The following MYT1L variants were observed in gnomAD, a reference collection of about 807,000 sequenced individuals.
The protein encoded by MYT1L is myelin transcription factor 1 like.
A neutral mutation model predicts 126.7 loss-of-function variants in MYT1L; 12 were observed. That is an observed-to-expected ratio of 0.09 (90% confidence interval 0.06 to 0.15). MYT1L has a LOEUF of 0.15. Among genes scored for constraint, MYT1L ranks in the 10% least tolerant of loss-of-function variants. MYT1L has a pLI of 1.00. For synonymous variants in MYT1L, 541 were observed against 604.2 expected (o/e 0.90, Z 1.53); for missense variants, 979 against 1,585.2 (o/e 0.62, Z 6.49).
chr2:2,229,159 T>C (rs1330523481), intron 2 of MYT1L, among the ~76,000 whole-genome samples: 1 of 152,248 alleles, frequency 6.6e-6, no homozygotes, highest in African/African-American at 2.4e-5. Context: ...AACATAACTA[T>C]CTTCTCTATA....
chr2:2,257,666 T>C (rs1161920835), intron 2 of MYT1L, among the ~76,000 whole-genome samples: 1 of 147,402 alleles, frequency 6.8e-6, no homozygotes, highest in Admixed American at 6.6e-5. Context: ...TTCCTAGGTA[T>C]TTTATTCTCT....
At chr2:2,109,684 C>T (rs996601983) in intron 3 of MYT1L, among the ~76,000 whole-genome samples, 1 of 151,556 alleles carries the variant, frequency 6.6e-6, no homozygotes, top group Admixed American at 6.6e-5. Flanking sequence ...AAAAGGAAGT[C>T]TCTAGAACAA....
intron 2 of MYT1L, among the ~76,000 whole-genome samples, chr2:2,265,778 A>G (rs895586714): frequency 1.3e-5 from 2 of 152,214 alleles, no homozygotes; most frequent in Non-Finnish European, 2.9e-5. Flanking sequence ...TTCACGGTAC[A>G]TAGCAAGTAA....
chr2:1,904,371 TTTG>T (rs981333408), intron 13 of MYT1L, among the ~76,000 whole-genome samples: 18 of 152,112 alleles, frequency 1.2e-4, no homozygotes, highest in African/African-American at 2.9e-4. Context: ...CATTCTTTTT[TTTG>T]TTGTTGTTGT....
intron 3 of MYT1L, among the ~76,000 whole-genome samples, chr2:2,137,570 C>A (rs553788548): frequency 1.5e-3 from 222 of 152,060 alleles, no homozygotes; most frequent in Non-Finnish European, 1.6e-3. Flanking sequence ...GACAAACCTG[C>A]GAAAAACAAG....
intron 23 of MYT1L, among the ~76,000 whole-genome samples, chr2:1,798,827 TC>T (rs2034303851): frequency 6.6e-6 from 1 of 152,120 alleles, no homozygotes; most frequent in African/African-American, 2.4e-5. Flanking sequence ...TGCCCCACGT[TC>T]CTCCTCCATA....
At chr2:2,052,908 T>C (rs2069009976) in intron 4 of MYT1L, among the ~76,000 whole-genome samples, 1 of 152,188 alleles carries the variant, frequency 6.6e-6, no homozygotes, top group Non-Finnish European at 1.5e-5. Flanking sequence ...AAATATGATC[T>C]ACATGATCCA....
At chr2:2,278,285 A>G (rs371555231) in intron 2 of MYT1L, among the ~76,000 whole-genome samples, 1 of 152,214 alleles carries the variant, frequency 6.6e-6, no homozygotes, top group East Asian at 1.9e-4. Context: ...CAGAAAATGA[A>G]ACTGAGAGGC....
chr2:2,132,107 C>T (rs1210889947), intron 3 of MYT1L, among the ~76,000 whole-genome samples: 3 of 151,528 alleles, frequency 2.0e-5, no homozygotes, highest in African/African-American at 7.3e-5. Context: ...GGGGGTTTCA[C>T]CACATTGGCC....
rs142725586 is a variant in MYT1L at position 2,125,561 on chromosome 2, G to C, written c.-304+47311C>G. Among the ~76,000 whole-genome samples the C allele has an allele frequency of 6.3e-3, 957 of 152,194 alleles. 6 individuals carry two copies. The highest frequency in any genetic ancestry group is 0.01 in the Non-Finnish European group (684 of 68,008). On this transcript the variant is annotated intron_variant, in intron 3 of 24. Transcript: ENST00000647738. Reference sequence around the variant, plus strand: ...TAAATATTTGTTGAATGCGTGAGTGGGGCATGAAAACCTACACACTCAGGT... The same window carrying C: ...TAAATATTTGTTGAATGCGTGAGTGCGGCATGAAAACCTACACACTCAGGT...
intron 3 of MYT1L, among the ~76,000 whole-genome samples, chr2:2,169,409 A>G (rs1238268345): frequency 1.3e-5 from 2 of 152,190 alleles, no homozygotes; most frequent in Non-Finnish European, 2.9e-5. Flanking sequence ...AATGTCAACT[A>G]ATACTCTGTG....
rs2076443905 is a variant in MYT1L, at chr2:2,087,178, T to C, written c.-303-33055A>G. ...CTGCCTTCAGTTTCTCTTTCAGTCTTGGGTGCATTACGGGAGTCCCCCTGA... is the reference window on the plus strand; with the variant it reads ...CTGCCTTCAGTTTCTCTTTCAGTCTCGGGTGCATTACGGGAGTCCCCCTGA... On this transcript the variant is annotated intron_variant, in intron 3 of 24. Transcript: ENST00000647738. Among the ~76,000 whole-genome samples the C allele has an allele frequency of 4.6e-5, 7 of 152,186 alleles. No individual in the cohort carries two copies. In the South Asian group the frequency reaches 1.4e-3, roughly 32 times the overall value.
At chr2:1,939,829 G>T (rs76738835) in intron 9 of MYT1L, among the ~76,000 whole-genome samples, 2,050 of 152,278 alleles carry the variant, frequency 0.013, 57 homozygotes, top group East Asian at 0.13. Context: ...GGCTAAATGG[G>T]GTGTTGAAAC....
At chr2:2,275,586 C>T (rs1463512944) in intron 2 of MYT1L, among the ~76,000 whole-genome samples, 2 of 152,168 alleles carry the variant, frequency 1.3e-5, no homozygotes, top group Non-Finnish European at 2.9e-5. Flanking sequence ...CAGTGTGCTG[C>T]ATCCTGCCCT....
At chr2:2,117,705 A>G (rs1475595801) in intron 3 of MYT1L, among the ~76,000 whole-genome samples, 1 of 152,174 alleles carries the variant, frequency 6.6e-6, no homozygotes, top group Non-Finnish European at 1.5e-5. Flanking sequence ...TAAGAAAACC[A>G]TGACTGGGGT....
chr2:1,815,685 C>T (rs1369191127), intron 21 of MYT1L, among the ~76,000 whole-genome samples: 1 of 152,240 alleles, frequency 6.6e-6, no homozygotes, highest in East Asian at 1.9e-4. Context: ...AACAGCCACC[C>T]CTTCCCCATG....
intron 8 of MYT1L, among the ~76,000 whole-genome samples, chr2:1,965,252 C>T (rs112423639): frequency 7.9e-6 from 1 of 127,132 alleles, no homozygotes; most frequent in South Asian, 2.7e-4. Context: ...CTTGCAGGGA[C>T]CAGGCAGGGA....
At chr2:2,283,426 T>C (rs1340858328) in intron 2 of MYT1L, among the ~76,000 whole-genome samples, 2 of 152,248 alleles carry the variant, frequency 1.3e-5, no homozygotes, top group African/African-American at 4.8e-5. Flanking sequence ...TTTCTAAAGA[T>C]ATTGACACCA....
intron 5 of MYT1L, among the ~76,000 whole-genome samples, chr2:1,987,424 A>G (rs946764043): frequency 3.3e-5 from 5 of 151,620 alleles, no homozygotes; most frequent in African/African-American, 1.2e-4. Flanking sequence ...GTGGAGGTGC[A>G]GCGTTTCCAT....
Sources: allele counts gnomAD v4.1 joint callset (sites outside exome capture counted in the v4.1 genomes callset), GRCh38; gene constraint gnomAD v4.1.1; transcripts MANE v1.5; gene names NCBI Gene and HGNC (gene_info 2026-07-23, HGNC 2026-07-21).